ABCC8: variants seen among roughly 807,000 people sequenced by gnomAD.
ABCC8 encodes ATP binding cassette subfamily C member 8, also known as ATP-binding cassette sub-family C member 8.
In ABCC8, 137 loss-of-function variants were observed where a neutral mutation model predicts 188.0. That is an observed-to-expected ratio of 0.73 (90% CI 0.63 to 0.84). ABCC8 has a LOEUF of 0.84. ABCC8 is among the 40% of genes least tolerant of loss of function. The pLI is 0.00. For missense variants in ABCC8, 1,750 were observed against 2,072.7 expected, an observed-to-expected ratio of 0.84 and a Z score of 3.02; for synonymous variants, 797 against 846.5, an observed-to-expected ratio of 0.94 and a Z score of 1.01.
chr11:17,428,373 G>T lies in ABCC8; in HGVS notation c.1956C>A (p.Ala652=). Residue 652 remains alanine (A), a synonymous_variant, in exon 14 of 39, where the codon GCC becomes GCA. Coordinates refer to ENST00000389817, the MANE Select transcript of ABCC8 (RefSeq NM_000352.6). ...PLRVVNRKRP[A]REDCRGLTGP... is the part of the protein sequence containing the mutation. Reference sequence around the variant, plus strand: ...CGGTGAGGCCCCGACAATCCTCCCGGGCTGGACGCTTGCGGTTCACAACCC... The same window carrying T: ...CGGTGAGGCCCCGACAATCCTCCCGTGCTGGACGCTTGCGGTTCACAACCC... The T allele has an allele frequency of 3.1e-6, 5 of 1,614,102 alleles. No individual in the cohort carries two copies. Among genetic ancestry groups the T allele is most frequent in the Non-Finnish European group, 4.2e-6 (5 of 1,179,992 alleles).
At position 17,406,611 on chromosome 11, in the gene ABCC8, G is replaced by A. The variant is rs759882121; in HGVS notation, c.3329+11C>T. The A allele has an allele frequency of 1.6e-5, 25 of 1,611,310 alleles. No individual in the cohort carries two copies. The highest frequency in any genetic ancestry group is 8.4e-5 in the Admixed American group (5 of 59,836). ...GCTCACAGTCCCAGCCTGGCCAGGGGAGACGGGTACCTCATGGGGGCTAGG... is the reference window on the plus strand; with the variant it reads ...GCTCACAGTCCCAGCCTGGCCAGGGAAGACGGGTACCTCATGGGGGCTAGG... On this transcript the variant is annotated intron_variant, in intron 26 of 38. Transcript: ENST00000389817.
chr11:17,469,058 C>CCTCCCTCCCTCCCTTCCT (rs2133706688), intron 3 of ABCC8, among the ~76,000 whole-genome samples: 1 of 132,816 alleles, frequency 7.5e-6, no homozygotes, highest in Admixed American at 7.4e-5. Context: ...TCCCTCCCTC[C>CCTCCCTCCCTCCCTTCCT]TCCCTCCCTC....
At chr11:17,417,555 T>C (rs923237139) in intron 16 of ABCC8, among the ~76,000 whole-genome samples, 2 of 152,128 alleles carry the variant, frequency 1.3e-5, no homozygotes, top group African/African-American at 4.8e-5. Context: ...TGATGCCAAT[T>C]TTGCCAGTGC....
chr11:17,407,115 T>C lies in ABCC8; in HGVS notation c.2935A>G (p.Ser979Gly). The C allele has an allele frequency of 6.2e-7, 1 of 1,612,562 alleles. No homozygotes were observed. Among genetic ancestry groups the C allele is most frequent in the Non-Finnish European group, 8.5e-7 (1 of 1,179,856 alleles). Residue 979 changes from serine to glycine, a missense_variant, in exon 25 of 39, where the codon AGC (serine) becomes GGC (glycine). Transcript: ENST00000389817. ...GACGACAGGTTGTCATCCTCCTCGC[T>C]CTCAGCTGCCTCCTCTGCAGGCCGC... Reference protein sequence around the residue: ...EEEEEEEAAESEEDDNLSSML... With the variant: ...EEEEEEEAAEGEEDDNLSSML...
At chr11:17,452,988 C>T (rs139429493) in intron 7 of ABCC8, 131 bp downstream of exon 7, 8 of 926,226 alleles carry the variant, frequency 8.6e-6, no homozygotes, top group East Asian at 5.0e-5. Context: ...TTTAAAACAT[C>T]GTTAATGGGC....
In ABCC8 at chr11:17,415,332, G is replaced by A. The variant is rs748413285; in HGVS notation, c.2263C>T (p.Arg755Trp). Reference protein sequence around the residue: ...SEIGEDPSPERETATDLDIRK... With the variant: ...SEIGEDPSPEWETATDLDIRK... ...ATATCCAAGTCGGTCGCTGTCTCCC[G>A]CTCTGGGCTGCAGCAGGGGAGGAAA... Residue 755 changes from arginine (R) to tryptophan (W), a missense_variant, in exon 18 of 39, where the codon CGG becomes TGG. Physicochemically the swap from Arg to Trp is moderately radical, Grantham distance 101. Transcript: ENST00000389817. The A allele has an allele frequency of 1.7e-5, 27 of 1,610,376 alleles. No homozygotes were observed. The highest frequency in any genetic ancestry group is 5.0e-5 in the Admixed American group (3 of 59,496).
At chr11:17,393,152 G>T (rs756617082) in intron 38 of ABCC8, 24 bp from the exon 39 acceptor site, 1 of 1,612,082 alleles carries the variant, frequency 6.2e-7, no homozygotes, top group Admixed American at 1.7e-5. Context: ...GAGGGGGCGG[G>T]TCAGGATGGT....
intron 5 of ABCC8, chr11:17,460,894 C>T: frequency 1.1e-6 from 1 of 878,730 alleles, no homozygotes; most frequent in Non-Finnish European, 1.7e-6. Context: ...AAACTAAGGC[C>T]AGATGATTGC....
rs1168075861 is a variant in ABCC8, at chr11:17,428,657, T to C, written c.1831A>G (p.Ser611Gly). Residue 611 changes from serine (S) to glycine (G), a missense_variant, in exon 13 of 39, where the codon AGC (serine) becomes GGC (glycine). Ser to Gly is a moderately conservative substitution (Grantham distance 56, BLOSUM62 0). Transcript: ENST00000389817. ...ATCTCTGCACTGGACAGGAACTCGCTTAGCTTTTGCACGCTGCTCGGGAAG... is the reference window on the plus strand; with the variant it reads ...ATCTCTGCACTGGACAGGAACTCGCCTAGCTTTTGCACGCTGCTCGGGAAG... ...VKALVSVQKL[S>G]EFLSSAEIRE... is the part of the protein sequence containing the mutation. 6.2e-7 allele frequency: 1 copy of C among 1,613,496 alleles called. No individual in the cohort carries two copies. The highest frequency in any genetic ancestry group is 1.7e-5 in the Admixed American group (1 of 60,028).
intron 16 of ABCC8, among the ~76,000 whole-genome samples, chr11:17,418,203 T>C (rs1246340261): frequency 6.6e-6 from 1 of 151,976 alleles, no homozygotes; most frequent in Non-Finnish European, 1.5e-5. Flanking sequence ...GCGGAGAAAA[T>C]AGCTCCGACT....
chr11:17,431,168 G>T, intron 11 of ABCC8: 1 of 760,304 alleles, frequency 1.3e-6, no homozygotes, highest in East Asian at 2.9e-5. Flanking sequence ...GGAGAGCAGG[G>T]GCTGCTCCCT....
Position 17,410,535 on chromosome 11 carries a change from T to C in ABCC8, c.2675A>G (p.Tyr892Cys). ...TVVLVTHKLQ[Y>C]LPHADWIIAM... ...CCTCACCCAGTCTGCATGGGGCAGG[T>C]ACTGTAGCTTGTGGGTCACTAAGAC... Residue 892 changes from tyrosine (Y) to cysteine (C), a missense_variant, in exon 22 of 39, where the codon TAC becomes TGC. Physicochemically the swap from Tyr to Cys is radical, Grantham distance 194 (BLOSUM62 -2). Transcript: ENST00000389817. 1 of 1,614,052 alleles carries C rather than the reference T, an allele frequency of 6.2e-7. No individual in the cohort carries two copies. Among genetic ancestry groups the C allele is most frequent in the South Asian group, 1.1e-5 (1 of 91,070 alleles).
At chr11:17,457,018 G>T (rs144020836) in intron 6 of ABCC8, among the ~76,000 whole-genome samples, 2 of 152,142 alleles carry the variant, frequency 1.3e-5, no homozygotes, top group African/African-American at 2.4e-5. Flanking sequence ...CAGATAAGGG[G>T]CATCTAATTC....
chr11:17,397,409 G>A, intron 31 of ABCC8, 96 bp from the exon 32 acceptor site: 1 of 1,583,418 alleles, frequency 6.3e-7, no homozygotes, highest in Non-Finnish European at 8.5e-7. Flanking sequence ...AGGGGCCAGG[G>A]CCCCAGATTC....
chr11:17,405,206 T>C (rs1444092359), intron 27 of ABCC8, among the ~76,000 whole-genome samples: 1 of 152,258 alleles, frequency 6.6e-6, no homozygotes, highest in Non-Finnish European at 1.5e-5. Flanking sequence ...ATGAATATTC[T>C]CCATACAATC....
In ABCC8 at chr11:17,435,597, G is replaced by A; in HGVS notation, c.1631-3353C>T. 3 of 1,379,942 alleles carry A rather than the reference G, an allele frequency of 2.2e-6. No individual in the cohort carries two copies. The Admixed American group carries it at 5.1e-5, about 23-fold the overall frequency. 85.5% of individuals were successfully genotyped at this position (1,379,942 alleles called of 1,614,324 possible). Reference sequence around the variant, plus strand: ...AATAAGGAGAACTTTTCCCAGGCTGGAGATAAAAGTGAGAAACAGAAAGAT... The same window carrying A: ...AATAAGGAGAACTTTTCCCAGGCTGAAGATAAAAGTGAGAAACAGAAAGAT... On this transcript the variant is annotated intron_variant, in intron 10 of 38. Transcript: ENST00000389817.
At chr11:17,463,003 T>A (rs1847918410) in intron 4 of ABCC8, among the ~76,000 whole-genome samples, 1 of 151,806 alleles carries the variant, frequency 6.6e-6, no homozygotes. Flanking sequence ...AAGGGGAAGG[T>A]TGGAGTCTGG....
chr11:17,397,121 C>T, intron 32 of ABCC8, 72 bp downstream of exon 32: 1 of 1,613,604 alleles, frequency 6.2e-7, no homozygotes, highest in Non-Finnish European at 8.5e-7. Context: ...CATCCCCAGG[C>T]TCCCTTGTGG....
chr11:17,428,503 G>C, intron 13 of ABCC8, 62 bp downstream of exon 13: 1 of 1,608,098 alleles, frequency 6.2e-7, no homozygotes, highest in Non-Finnish European at 8.5e-7. Flanking sequence ...CGACACAGCA[G>C]GCCCAAGTTT....
Sources: gnomAD v4.1 joint callset for allele counts (sites outside exome capture counted in the v4.1 genomes callset) on GRCh38, gnomAD v4.1.1 for gene constraint, MANE v1.5 for transcripts, NCBI Gene and HGNC (gene_info 2026-07-23, HGNC 2026-07-21) for gene names.